CUBN: variants seen among roughly 807,000 people sequenced by gnomAD.
CUBN encodes the protein 460 kDa receptor.
In CUBN, 282 loss-of-function variants were observed where a neutral mutation model predicts 405.3. That is an observed-to-expected ratio of 0.70 (90% CI 0.63 to 0.77). The LOEUF (loss-of-function observed/expected upper bound fraction) is 0.77, where lower values mean the gene tolerates loss of function less well. Ranked by LOEUF, CUBN falls within the 30% of genes least tolerant of loss-of-function variation. The probability of loss-of-function intolerance (pLI) is 0.00; values close to 1 mark genes in which losing one functional copy is unlikely to be tolerated. For synonymous variants in CUBN, 1,684 were observed against 1,617.0 expected (o/e 1.04, Z -0.99); for missense variants, 4,514 against 4,475.2 (o/e 1.01, Z -0.25).
intron 19 of CUBN, among the ~76,000 whole-genome samples, chr10:17,069,882 T>G (rs74970079): frequency 0.018 from 2,719 of 152,254 alleles, 89 homozygotes; most frequent in African/African-American, 0.062. Flanking sequence ...CGTTTTTAAT[T>G]TTGAGGAAGT....
At chr10:16,906,438 T>C in intron 49 of CUBN, 29 bp from the exon 50 acceptor site, 2 of 1,499,790 alleles carry the variant, frequency 1.3e-6, no homozygotes, top group Non-Finnish European at 1.9e-6. Flanking sequence ...ACAGAGAAAG[T>C]AGTAGTAAGA....
intron 28 of CUBN, among the ~76,000 whole-genome samples, chr10:17,007,026 C>G (rs1392378267): frequency 6.6e-6 from 1 of 152,180 alleles, no homozygotes; most frequent in Non-Finnish European, 1.5e-5. Flanking sequence ...GCTCACAAAG[C>G]TCCTTGACCT....
intron 53 of CUBN, among the ~76,000 whole-genome samples, chr10:16,899,654 G>A (rs1841299938): frequency 6.6e-6 from 1 of 152,172 alleles, no homozygotes; most frequent in South Asian, 2.1e-4. Flanking sequence ...CAATCTGATT[G>A]ATTCATATTG....
intron 8 of CUBN, among the ~76,000 whole-genome samples, chr10:17,111,592 A>G (rs1483122251): frequency 6.6e-6 from 1 of 152,202 alleles, no homozygotes; most frequent in African/African-American, 2.4e-5. Flanking sequence ...ATTTGCATAC[A>G]CACACATTGA....
At chr10:17,091,343 G>A (rs536433951) in intron 14 of CUBN, among the ~76,000 whole-genome samples, 1 of 151,936 alleles carries the variant, frequency 6.6e-6, no homozygotes, top group African/African-American at 2.4e-5. Context: ...AAAATAAAAT[G>A]GAATAAGTGA....
intron 22 of CUBN, among the ~76,000 whole-genome samples, chr10:17,052,705 A>G (rs931495058): frequency 1.5e-5 from 2 of 129,400 alleles, no homozygotes; most frequent in Non-Finnish European, 3.1e-5. Flanking sequence ...GGTTGCAGTG[A>G]GCTGGGAGCT....
chr10:17,084,590 CTATAGGCTTGTGCCTCTAATTT>C, intron 16 of CUBN, 129 bp from the exon 17 acceptor site: 1 of 793,312 alleles, frequency 1.3e-6, no homozygotes, highest in Non-Finnish European at 2.1e-6. Context: ...TATTCACCCT[CTATAGGCTTGTGCCTCTAATTT>C]TAAGATTTTC....
At position 16,836,206 on chromosome 10, in the gene CUBN, T is replaced by G. The variant is rs558428011; in HGVS notation, c.10180+29A>C. 4.4e-5 allele frequency: 70 copies of G among 1,600,682 alleles called. 2 individuals are homozygous for G. In the South Asian group the frequency reaches 7.1e-4, roughly 16 times the overall value. ...ATAATGGTAATGATGGCAGCTTTTT[T>G]GAATAAAAGATGAAGTTCCTGGCCT... On this transcript the variant is annotated intron_variant, in intron 63 of 66. Coordinates refer to ENST00000377833, the MANE Select transcript of CUBN (RefSeq NM_001081.4).
At chr10:17,083,107 C>A (rs1164413022) in intron 17 of CUBN, among the ~76,000 whole-genome samples, 1 of 151,850 alleles carries the variant, frequency 6.6e-6, no homozygotes, top group Admixed American at 6.6e-5. Context: ...ATTTGAAATT[C>A]TTCCGTAGTG....
At chr10:17,048,680 G>C (rs1285223908) in intron 22 of CUBN, among the ~76,000 whole-genome samples, 2 of 152,102 alleles carry the variant, frequency 1.3e-5, no homozygotes, top group African/African-American at 4.8e-5. Flanking sequence ...ATTGCATCCA[G>C]CCATAACCTA....
chr10:16,973,918 C>T (rs1396510545), intron 31 of CUBN, among the ~76,000 whole-genome samples: 1 of 152,138 alleles, frequency 6.6e-6, no homozygotes, highest in African/African-American at 2.4e-5. Context: ...TGATTCCATG[C>T]CTTTGCTATC....
chr10:16,834,369 G>A (rs954177708), intron 64 of CUBN, among the ~76,000 whole-genome samples: 5 of 152,120 alleles, frequency 3.3e-5, no homozygotes, highest in South Asian at 2.1e-4. Context: ...GCACAAGGGG[G>A]CTTCTCTCTC....
chr10:17,008,882 T>C lies in CUBN; in HGVS notation c.4168+10951A>G, dbSNP rs937668776. 2.3e-4 allele frequency among the ~76,000 whole-genome samples: 35 copies of C among 152,268 alleles called. 6 individuals are homozygous for C. The highest frequency in any genetic ancestry group is 1.4e-3 in the Admixed American group (22 of 15,296). ...CTCTGTGTCCCCCGTCTCAGCACAG[T>C]ACCTGGCACAAAAGACATCCTTAGT... On this transcript the variant is annotated intron_variant, in intron 28 of 66. Transcript: ENST00000377833.
At chr10:16,869,395 C>T (rs1026493978) in intron 59 of CUBN, among the ~76,000 whole-genome samples, 1 of 151,860 alleles carries the variant, frequency 6.6e-6, no homozygotes, top group African/African-American at 2.4e-5. Context: ...GAACTCCTGA[C>T]CTCAGGTGAT....
chr10:17,099,180 G>A (rs1408470488), intron 14 of CUBN, among the ~76,000 whole-genome samples: 2 of 152,150 alleles, frequency 1.3e-5, no homozygotes. Flanking sequence ...TAAAAAAGAT[G>A]AGAAAATGCT....
At chr10:17,049,166 G>C (rs1187738200) in intron 22 of CUBN, among the ~76,000 whole-genome samples, 3 of 152,172 alleles carry the variant, frequency 2.0e-5, no homozygotes, top group African/African-American at 7.2e-5. Flanking sequence ...GCAGAAAAGA[G>C]GGATAAAGAG....
At chr10:16,970,995 C>T (rs1315142177) in intron 31 of CUBN, among the ~76,000 whole-genome samples, 1 of 152,146 alleles carries the variant, frequency 6.6e-6, no homozygotes, top group African/African-American at 2.4e-5. Context: ...ATTACTATTT[C>T]TTCTTCTAAC....
At chr10:16,870,960 C>T (rs982294882) in intron 58 of CUBN, among the ~76,000 whole-genome samples, 2 of 151,910 alleles carry the variant, frequency 1.3e-5, no homozygotes, top group Non-Finnish European at 2.9e-5. Context: ...TTTATTATAG[C>T]TTATTTTTAA....
intron 56 of CUBN, among the ~76,000 whole-genome samples, chr10:16,877,689 A>G (rs1159013211): frequency 6.6e-6 from 1 of 152,244 alleles, no homozygotes; most frequent in African/African-American, 2.4e-5. Context: ...CACAAACACT[A>G]TTAGTGTTTA....
Sources: allele counts gnomAD v4.1 joint callset (sites outside exome capture counted in the v4.1 genomes callset), GRCh38; gene constraint gnomAD v4.1.1; transcripts MANE v1.5; gene names NCBI Gene and HGNC (gene_info 2026-07-23, HGNC 2026-07-21).